AFF3: variants seen among roughly 807,000 people sequenced by gnomAD.
AFF3 encodes the protein ALF transcription elongation factor 3, also known as AF4/FMR2 family member 3.
In AFF3, 32 loss-of-function variants were observed where a neutral mutation model predicts 129.7. The observed-to-expected ratio is 0.25, with a 90% CI of 0.19 to 0.33. The LOEUF (loss-of-function observed/expected upper bound fraction) is 0.33, where lower values mean the gene tolerates loss of function less well. AFF3 is among the 10% of genes least tolerant of loss of function. The pLI, the probability that AFF3 is intolerant of heterozygous loss-of-function variation, is 1.00. For synonymous variants in AFF3, 644 were observed against 635.4 expected, an observed-to-expected ratio of 1.01 and a Z score of -0.20; for missense variants, 1,373 against 1,592.0, an observed-to-expected ratio of 0.86 and a Z score of 2.34.
intron 7 of AFF3, among the ~76,000 whole-genome samples, chr2:99,968,678 T>TAGACGAG (rs762967018): frequency 3.3e-5 from 5 of 151,704 alleles, no homozygotes; most frequent in Non-Finnish European, 4.4e-5. Context: ...GCCATCAACA[T>TAGACGAG]AGACGAGAAA....
rs191684782 is a variant in AFF3, at chr2:99,964,673, T to C, written c.873+41959A>G. Among the ~76,000 whole-genome samples, 6 of 152,340 alleles carry C rather than the reference T, an allele frequency of 3.9e-5. No individual in the cohort carries two copies. In the East Asian group the frequency reaches 9.6e-4, roughly 24 times the overall value. On this transcript the variant is annotated intron_variant, in intron 7 of 24. Transcript: ENST00000672756. ...TTAGAATGAGGAACTTCTAAAGTATTACATGCAAAAATTCTCCATAAAATA... is the reference window on the plus strand; with the variant it reads ...TTAGAATGAGGAACTTCTAAAGTATCACATGCAAAAATTCTCCATAAAATA...
intron 11 of AFF3, among the ~76,000 whole-genome samples, chr2:99,696,534 T>C (rs1485452714): frequency 6.6e-6 from 1 of 152,244 alleles, no homozygotes; most frequent in Non-Finnish European, 1.5e-5. Flanking sequence ...TTATTACACT[T>C]GTATTGCTCT....
At chr2:100,115,405 G>A (rs1398173245) in intron 2 of AFF3, among the ~76,000 whole-genome samples, 1 of 151,988 alleles carries the variant, frequency 6.6e-6, no homozygotes, top group South Asian at 2.1e-4. Flanking sequence ...AAAAATAGCT[G>A]GGCATGGTGA....
At chr2:99,995,915 G>A (rs1307381842) in intron 7 of AFF3, among the ~76,000 whole-genome samples, 1 of 152,066 alleles carries the variant, frequency 6.6e-6, no homozygotes, top group Non-Finnish European at 1.5e-5. Context: ...ATGGGTAAAG[G>A]ATATGAACAA....
intron 4 of AFF3, among the ~76,000 whole-genome samples, chr2:100,049,136 T>C (rs1686076826): frequency 6.6e-6 from 1 of 152,122 alleles, no homozygotes; most frequent in African/African-American, 2.4e-5. Flanking sequence ...CCCCACAGGC[T>C]CCTTAATCAC....
chr2:99,737,516 C>T (rs1211752062), intron 10 of AFF3, among the ~76,000 whole-genome samples: 1 of 152,002 alleles, frequency 6.6e-6, no homozygotes, highest in African/African-American at 2.4e-5. Flanking sequence ...TTCAGCTTCT[C>T]TGTTTGCAGG....
intron 18 of AFF3, among the ~76,000 whole-genome samples, chr2:99,575,325 T>C (rs1305410560): frequency 6.6e-6 from 1 of 152,096 alleles, no homozygotes; most frequent in East Asian, 1.9e-4. Context: ...AATGGCATGA[T>C]CTCGGCTCAC....
intron 7 of AFF3, among the ~76,000 whole-genome samples, chr2:99,915,682 T>A (rs1026281527): frequency 6.6e-6 from 1 of 152,234 alleles, no homozygotes; most frequent in Non-Finnish European, 1.5e-5. Flanking sequence ...CTGGGCCCCA[T>A]GAATTATGTA....
intron 12 of AFF3, among the ~76,000 whole-genome samples, chr2:99,660,683 A>G (rs1271959765): frequency 6.6e-6 from 1 of 152,256 alleles, no homozygotes; most frequent in Non-Finnish European, 1.5e-5. Flanking sequence ...ATCTCTCCAG[A>G]GAATCAGATC....
intron 7 of AFF3, among the ~76,000 whole-genome samples, chr2:99,851,956 TCA>T (rs1170092291): frequency 3.9e-5 from 6 of 152,112 alleles, no homozygotes; most frequent in Admixed American, 2.6e-4. Flanking sequence ...TAGCCTGAAG[TCA>T]CAGAGACCTT....
Position 99,588,525 on chromosome 2 carries a change from A to G in AFF3, c.2467-1247T>C, listed in dbSNP as rs559692789. Among the ~76,000 whole-genome samples the G allele has an allele frequency of 4.6e-5, 7 of 152,322 alleles. No homozygotes were observed. In the South Asian group the frequency reaches 1.5e-3, roughly 32 times the overall value. ...TAAGGTGCAACACAAATATATTCAG[A>G]AAGTACCATTTTCCATGAGATAACA... On this transcript the variant is annotated intron_variant, in intron 15 of 24. Transcript: ENST00000672756.
chr2:100,072,177 G>A (rs975959464), intron 4 of AFF3, among the ~76,000 whole-genome samples: 5 of 152,126 alleles, frequency 3.3e-5, no homozygotes, highest in African/African-American at 4.8e-5. Context: ...GAACTGGGCC[G>A]CACAGCAGGA....
At chr2:100,015,474 G>A (rs926500647) in intron 4 of AFF3, among the ~76,000 whole-genome samples, 1 of 152,116 alleles carries the variant, frequency 6.6e-6, no homozygotes, top group Non-Finnish European at 1.5e-5. Flanking sequence ...AAACTCCCCT[G>A]CTCTCCAGAG....
intron 8 of AFF3, among the ~76,000 whole-genome samples, chr2:99,791,704 G>A (rs1239424298): frequency 6.6e-6 from 1 of 152,150 alleles, no homozygotes; most frequent in Non-Finnish European, 1.5e-5. Context: ...AACCATGACT[G>A]GCCCAATGTG....
chr2:99,706,963 C>T (rs2104834222), intron 11 of AFF3: 2 of 427,760 alleles, frequency 4.7e-6, no homozygotes, highest in African/African-American at 2.1e-5. Flanking sequence ...CAGAAACTGT[C>T]AGTTCCTCTC....
chr2:99,992,757 G>T (rs562118391), intron 7 of AFF3, among the ~76,000 whole-genome samples: 6 of 152,300 alleles, frequency 3.9e-5, no homozygotes, highest in African/African-American at 1.2e-4. Context: ...CCTTTGAAGG[G>T]CTCAGAAAGT....
chr2:100,055,328 T>C (rs1371104143), intron 4 of AFF3, among the ~76,000 whole-genome samples: 2 of 152,138 alleles, frequency 1.3e-5, no homozygotes, highest in Admixed American at 6.5e-5. Context: ...AGAGATTGGA[T>C]TGCACAGTAC....
chr2:100,083,048 C>T (rs905951940), intron 4 of AFF3, among the ~76,000 whole-genome samples: 2 of 152,072 alleles, frequency 1.3e-5, no homozygotes, highest in East Asian at 1.9e-4. Context: ...CCAGATAGTG[C>T]CACTGTACTC....
intron 4 of AFF3, among the ~76,000 whole-genome samples, chr2:100,092,032 C>A (rs1482388619): frequency 1.3e-5 from 2 of 151,070 alleles, no homozygotes; most frequent in South Asian, 4.2e-4. Context: ...CAATCTTGTC[C>A]AATCTCAAGG....
Sources: allele counts gnomAD v4.1 joint callset (sites outside exome capture counted in the v4.1 genomes callset), GRCh38; gene constraint gnomAD v4.1.1; transcripts MANE v1.5; gene names NCBI Gene and HGNC (gene_info 2026-07-23, HGNC 2026-07-21).